Variants in LRRC4C observed in about 807,000 individuals in gnomAD.
LRRC4C encodes the protein leucine rich repeat containing 4C.
In LRRC4C, 5 loss-of-function variants were observed where a neutral mutation model predicts 33.6. That is an observed-to-expected ratio of 0.15 (90% CI 0.08 to 0.31). The LOEUF (loss-of-function observed/expected upper bound fraction) is 0.31, where lower values mean the gene tolerates loss of function less well. LRRC4C is among the 10% of genes least tolerant of loss of function. LRRC4C has a pLI of 1.00. For missense variants in LRRC4C, 560 were observed against 796.7 expected, an observed-to-expected ratio of 0.70 and a Z score of 3.58; for synonymous variants, 329 against 302.0, an observed-to-expected ratio of 1.09 and a Z score of -0.93.
chr11:41,446,029 G>A (rs560415438), intron 1 of LRRC4C, among the ~76,000 whole-genome samples: 121 of 152,202 alleles, frequency 7.9e-4, no homozygotes, highest in African/African-American at 2.6e-3. Context: ...ACATTTATTT[G>A]TTGAATAAAA....
intron 1 of LRRC4C, among the ~76,000 whole-genome samples, chr11:41,093,947 A>C (rs935174208): frequency 6.7e-6 from 1 of 150,052 alleles, no homozygotes; most frequent in Non-Finnish European, 1.5e-5. Flanking sequence ...AAAAAAAAAA[A>C]AAACACACAA....
At chr11:40,906,785 G>A (rs558720169) in intron 2 of LRRC4C, among the ~76,000 whole-genome samples, 1 of 151,944 alleles carries the variant, frequency 6.6e-6, no homozygotes, top group Non-Finnish European at 1.5e-5. Flanking sequence ...ATATGTACGT[G>A]TGTATATTTT....
chr11:41,370,522 G>A (rs192874173), intron 1 of LRRC4C, among the ~76,000 whole-genome samples: 1 of 152,202 alleles, frequency 6.6e-6, no homozygotes, highest in East Asian at 1.9e-4. Flanking sequence ...TTTGTCAGGG[G>A]TGTCCGCTTT....
intron 5 of LRRC4C, among the ~76,000 whole-genome samples, chr11:40,141,288 T>A (rs1016549470): frequency 2.6e-5 from 4 of 152,094 alleles, no homozygotes; most frequent in Non-Finnish European, 5.9e-5. Flanking sequence ...TGCTGCAAAT[T>A]CTATTTGGGA....
intron 4 of LRRC4C, among the ~76,000 whole-genome samples, chr11:40,278,671 A>G (rs537876998): frequency 6.6e-6 from 1 of 152,292 alleles, no homozygotes; most frequent in South Asian, 2.1e-4. Flanking sequence ...TACAACTTCA[A>G]TACCTATATA....
At chr11:41,417,326 C>A (rs1954719999) in intron 1 of LRRC4C, among the ~76,000 whole-genome samples, 1 of 152,006 alleles carries the variant, frequency 6.6e-6, no homozygotes, top group Admixed American at 6.6e-5. Flanking sequence ...GAGAGTGAAC[C>A]AACAACATGA....
At chr11:41,157,185 C>G (rs2136000553) in intron 1 of LRRC4C, among the ~76,000 whole-genome samples, 2 of 152,102 alleles carry the variant, frequency 1.3e-5, no homozygotes, top group Non-Finnish European at 2.9e-5. Flanking sequence ...AGGCATTCTA[C>G]CAGCCCAAAA....
chr11:40,714,685 T>A (rs967886808), intron 2 of LRRC4C, among the ~76,000 whole-genome samples: 1 of 152,080 alleles, frequency 6.6e-6, no homozygotes, highest in African/African-American at 2.4e-5. Flanking sequence ...ATGATTATTA[T>A]AAAAAATAGT....
intron 3 of LRRC4C, among the ~76,000 whole-genome samples, chr11:40,599,783 G>T (rs1959784489): frequency 1.3e-5 from 2 of 152,140 alleles, no homozygotes; most frequent in South Asian, 4.1e-4. Context: ...AGGACAAGCT[G>T]GGTTTATCAA....
chr11:40,610,216 G>A (rs1591267741), intron 3 of LRRC4C, among the ~76,000 whole-genome samples: 1 of 151,812 alleles, frequency 6.6e-6, no homozygotes, highest in South Asian at 2.1e-4. Flanking sequence ...GGAGTACCAA[G>A]ATAGTTCAAT....
chr11:41,048,543 G>A (rs11036203), intron 1 of LRRC4C, among the ~76,000 whole-genome samples: 70,409 of 151,896 alleles, frequency 0.46, 17,174 homozygotes, highest in South Asian at 0.65. Flanking sequence ...GATTACAGGC[G>A]TGAGCCACTG....
chr11:40,828,274 A>G, intron 2 of LRRC4C, among the ~76,000 whole-genome samples: 1 of 151,578 alleles, frequency 6.6e-6, no homozygotes, highest in East Asian at 1.9e-4. Flanking sequence ...TGCTTTGACT[A>G]TTTGAATTAT....
chr11:41,454,319 G>A (rs918004622), intron 1 of LRRC4C, among the ~76,000 whole-genome samples: 1 of 152,074 alleles, frequency 6.6e-6, no homozygotes. Flanking sequence ...TTCTGGCAGA[G>A]GAATCTTAAT....
intron 1 of LRRC4C, among the ~76,000 whole-genome samples, chr11:41,108,225 A>G (rs1242461515): frequency 2.0e-5 from 3 of 152,030 alleles, no homozygotes; most frequent in African/African-American, 7.2e-5. Flanking sequence ...AAGCTATGTA[A>G]TAACCATCAG....
At chr11:40,952,143 A>T (rs929834513) in intron 1 of LRRC4C, among the ~76,000 whole-genome samples, 6 of 151,860 alleles carry the variant, frequency 4.0e-5, no homozygotes, top group Non-Finnish European at 5.9e-5. Flanking sequence ...TATTATTTTT[A>T]TTTTAAGGAT....
intron 5 of LRRC4C, among the ~76,000 whole-genome samples, chr11:40,173,820 T>A (rs532652784): frequency 6.6e-6 from 1 of 152,296 alleles, no homozygotes; most frequent in East Asian, 1.9e-4. Flanking sequence ...TTATAGATGA[T>A]GAGAAACTTG....
chr11:41,415,667 T>C (rs1159118605), intron 1 of LRRC4C, among the ~76,000 whole-genome samples: 6 of 152,082 alleles, frequency 3.9e-5, no homozygotes, highest in Admixed American at 3.9e-4. Context: ...TTTTAATTCA[T>C]TTTAGATGTT....
intron 1 of LRRC4C, among the ~76,000 whole-genome samples, chr11:41,425,432 T>C: frequency 6.6e-6 from 1 of 152,196 alleles, no homozygotes; most frequent in East Asian, 1.9e-4. Context: ...GGGCCTTGTT[T>C]TCCAAAGGGC....
At chr11:41,115,799 C>G (rs1441176190) in intron 1 of LRRC4C, among the ~76,000 whole-genome samples, 2 of 152,054 alleles carry the variant, frequency 1.3e-5, no homozygotes, top group Non-Finnish European at 2.9e-5. Flanking sequence ...AACTGGTAAC[C>G]AGAGCTATGT....
Sources: gnomAD v4.1 joint callset for allele counts (sites outside exome capture counted in the v4.1 genomes callset) on GRCh38, gnomAD v4.1.1 for gene constraint, MANE v1.5 for transcripts, NCBI Gene and HGNC (gene_info 2026-07-23, HGNC 2026-07-21) for gene names.